The following AUTS2 variants were observed in gnomAD, a reference collection of about 807,000 sequenced individuals.
The protein encoded by AUTS2 is activator of transcription and developmental regulator AUTS2.
A neutral mutation model predicts 112.4 loss-of-function variants in AUTS2; 17 were observed. The ratio of observed to expected loss-of-function variants is 0.15; its 90% CI spans 0.10 to 0.23. The LOEUF is 0.23. AUTS2 is among the 10% of genes least tolerant of loss of function. The probability of loss-of-function intolerance (pLI) is 1.00; values close to 1 mark genes in which losing one functional copy is unlikely to be tolerated. For missense variants in AUTS2, 1,510 were observed against 1,701.6 expected (o/e 0.89, Z 1.98); for synonymous variants, 751 against 702.7 (o/e 1.07, Z -1.09).
chr7:70,495,065 A>T (rs1798396181), intron 5 of AUTS2, among the ~76,000 whole-genome samples: 1 of 152,080 alleles, frequency 6.6e-6, no homozygotes, highest in African/African-American at 2.4e-5. Context: ...AAAGACACAG[A>T]AATGGTTGGA....
chr7:70,102,264 G>A (rs918997986), intron 2 of AUTS2, among the ~76,000 whole-genome samples: 1 of 151,482 alleles, frequency 6.6e-6, no homozygotes, highest in East Asian at 2.0e-4. Flanking sequence ...GACTACAGGC[G>A]CCTGCCACCA....
intron 4 of AUTS2, among the ~76,000 whole-genome samples, chr7:70,413,932 C>A (rs1478437064): frequency 6.6e-6 from 1 of 152,162 alleles, no homozygotes; most frequent in Non-Finnish European, 1.5e-5. Flanking sequence ...GCCTCGGCCT[C>A]CCAAAGCGCT....
At chr7:69,853,460 C>G (rs1217075458) in intron 1 of AUTS2, among the ~76,000 whole-genome samples, 1 of 151,988 alleles carries the variant, frequency 6.6e-6, no homozygotes, top group Admixed American at 6.6e-5. Flanking sequence ...TTTCTTTTGA[C>G]TGTTTTCATT....
chr7:70,104,586 G>T (rs557371876), intron 2 of AUTS2, among the ~76,000 whole-genome samples: 2 of 152,270 alleles, frequency 1.3e-5, no homozygotes, highest in Non-Finnish European at 2.9e-5. Flanking sequence ...GTTTTTAATT[G>T]TTCAGGAATT....
rs562103362 is a variant in AUTS2, at chr7:69,707,692, G to A, written c.309+107730G>A. Among the ~76,000 whole-genome samples, 9 of 152,300 alleles carry A rather than the reference G, an allele frequency of 5.9e-5. No homozygotes were observed. In the East Asian group the frequency reaches 1.2e-3, roughly 20 times the overall value. On this transcript the variant is annotated intron_variant, in intron 1 of 18. Transcript: ENST00000342771. Reference sequence around the variant, plus strand: ...AAGCAGAATAAATTCCTATCCTTGCGGGATTAACATATATGAATCTGGTTT... The same window carrying A: ...AAGCAGAATAAATTCCTATCCTTGCAGGATTAACATATATGAATCTGGTTT...
chr7:69,645,353 C>G (rs555147334), intron 1 of AUTS2, among the ~76,000 whole-genome samples: 1 of 152,184 alleles, frequency 6.6e-6, no homozygotes, highest in Admixed American at 6.5e-5. Flanking sequence ...AAATGCATAT[C>G]TGTAAGTAAG....
intron 5 of AUTS2, among the ~76,000 whole-genome samples, chr7:70,669,290 A>C (rs1807512474): frequency 6.6e-6 from 1 of 152,162 alleles, no homozygotes; most frequent in Admixed American, 6.5e-5. Context: ...AGTGTTTTTT[A>C]TGGGAAGATG....
intron 1 of AUTS2, among the ~76,000 whole-genome samples, chr7:69,728,331 T>A (rs1255257076): frequency 2.6e-5 from 4 of 152,170 alleles, no homozygotes; most frequent in African/African-American, 9.7e-5. Flanking sequence ...AACCACCAAC[T>A]TGAAATCTAG....
Position 70,119,544 on chromosome 7 carries a change from C to T in AUTS2, c.624+1311C>T, listed in dbSNP as rs1311789871. The stretch of plus-strand genomic sequence containing the variant: ...CCCGCCCAGCTAATTTTTGTATTTT[C>T]AATAGAGATGGGGTTTCACCATATT... On this transcript the variant is annotated intron_variant, in intron 3 of 18. Coordinates refer to ENST00000342771, the MANE Select transcript of AUTS2 (RefSeq NM_015570.4). 3 of 151,736 alleles carry T rather than the reference C, an allele frequency of 2.0e-5. No individual in the cohort carries two copies. In the East Asian group the frequency reaches 5.8e-4, roughly 29 times the overall value. The allele number at this position is 151,736 out of a possible 1,614,324, so 9.4% of individuals were successfully genotyped here.
At chr7:69,641,988 G>C (rs2129120422) in intron 1 of AUTS2, among the ~76,000 whole-genome samples, 1 of 152,290 alleles carries the variant, frequency 6.6e-6, no homozygotes, top group Non-Finnish European at 1.5e-5. Context: ...CTGGAAGTCA[G>C]CCTGACTCAG....
At chr7:70,452,764 A>G (rs913883020) in intron 5 of AUTS2, among the ~76,000 whole-genome samples, 2 of 152,208 alleles carry the variant, frequency 1.3e-5, no homozygotes, top group Non-Finnish European at 2.9e-5. Flanking sequence ...GCAGGAAATC[A>G]CTAAGCTTTG....
rs1237256887 is a variant in AUTS2 at position 70,154,814 on chromosome 7, G to A, written c.660+20243G>A. ...GATCAGCCTCAGAGTGAAACTCGCT[G>A]CTATTATCTCTTTGGCTATGGTTGG... On this transcript the variant is annotated intron_variant, in intron 4 of 18. Coordinates refer to ENST00000342771, the MANE Select transcript of AUTS2 (RefSeq NM_015570.4). Among the ~76,000 whole-genome samples the A allele has an allele frequency of 2.6e-5, 4 of 152,294 alleles. No individual in the cohort carries two copies. The East Asian group carries it at 7.7e-4, about 29-fold the overall frequency.
intron 15 of AUTS2, chr7:70,784,701 C>T (rs532838484): frequency 6.5e-5 from 34 of 520,688 alleles, no homozygotes; most frequent in South Asian, 5.5e-4. Flanking sequence ...TGGCCAGCCA[C>T]GCTGGGAAAG....
intron 5 of AUTS2, among the ~76,000 whole-genome samples, chr7:70,515,976 G>A (rs979954648): frequency 3.6e-4 from 55 of 152,146 alleles, no homozygotes; most frequent in Non-Finnish European, 1.0e-4. Context: ...TTTCATGGCC[G>A]CTGGGCCCAA....
chr7:69,645,772 A>T (rs901465233), intron 1 of AUTS2, among the ~76,000 whole-genome samples: 3 of 151,826 alleles, frequency 2.0e-5, no homozygotes, highest in Non-Finnish European at 4.4e-5. Flanking sequence ...GAGCGGAAAA[A>T]GAGACTTCCA....
At chr7:70,765,061 C>G in intron 8 of AUTS2, 56 bp downstream of exon 8, 1 of 1,597,094 alleles carries the variant, frequency 6.3e-7, no homozygotes, top group Non-Finnish European at 8.5e-7. Flanking sequence ...CTCGCTGTGA[C>G]CTCACCCTAC....
chr7:70,330,513 G>C (rs951037773), intron 4 of AUTS2, among the ~76,000 whole-genome samples: 1 of 152,128 alleles, frequency 6.6e-6, no homozygotes, highest in Admixed American at 6.5e-5. Context: ...TAGTACACTG[G>C]TTTGATTACT....
At chr7:70,090,802 C>T (rs1158279711) in intron 2 of AUTS2, among the ~76,000 whole-genome samples, 2 of 151,822 alleles carry the variant, frequency 1.3e-5, no homozygotes, top group African/African-American at 4.8e-5. Flanking sequence ...CCTCAGCCTC[C>T]TGAGCAGCTG....
At chr7:70,219,573 CT>C (rs1342047199) in intron 4 of AUTS2, among the ~76,000 whole-genome samples, 330 of 137,824 alleles carry the variant, frequency 2.4e-3, no homozygotes, top group South Asian at 2.3e-3. Flanking sequence ...TTTTCTTTTC[CT>C]TTTTTTTTTT....
Sources: gnomAD v4.1 joint callset for allele counts (sites outside exome capture counted in the v4.1 genomes callset) on GRCh38, gnomAD v4.1.1 for gene constraint, MANE v1.5 for transcripts, NCBI Gene and HGNC (gene_info 2026-07-23, HGNC 2026-07-21) for gene names.